MBNL3: variants seen among roughly 807,000 people sequenced by gnomAD.
The protein encoded by MBNL3 is muscleblind like splicing regulator 3, also known as muscleblind-like protein 3.
MBNL3 carries 6 observed loss-of-function variants against 24.5 expected under a neutral mutation model. That is an observed-to-expected ratio of 0.25 (90% CI 0.13 to 0.48). The LOEUF is 0.48. Among genes scored for constraint, MBNL3 ranks in the 20% least tolerant of loss-of-function variants. The pLI, the probability that MBNL3 is intolerant of heterozygous loss-of-function variation, is 0.99. For synonymous variants in MBNL3, 100 were observed against 101.7 expected, an observed-to-expected ratio of 0.98 and a Z score of 0.10; for missense variants, 230 against 293.5, an observed-to-expected ratio of 0.78 and a Z score of 1.58.
intron 1 of MBNL3, among the ~76,000 whole-genome samples, chrX:132,482,316 T>C (rs1210709845): frequency 8.9e-6 from 1 of 112,647 alleles, no homozygotes; most frequent in Non-Finnish European, 1.9e-5. Context: ...TATGCATGTA[T>C]TGAAATATCA....
chrX:132,439,616 A>T lies in MBNL3; in HGVS notation c.-5T>A, dbSNP rs747888882. ...GGCAACATTGACAGCCGTCATATTG[A>T]AAGCAAAATTAAAATCCAATGTACC... On this transcript the variant is annotated 5_prime_UTR_variant, in exon 2 of 9. Transcript: ENST00000370853. 1 of 1,192,435 alleles carries T rather than the reference A, an allele frequency of 8.4e-7. No individual in the cohort carries two copies.
chrX:132,472,188 T>C (rs995351488), intron 1 of MBNL3, among the ~76,000 whole-genome samples: 1 of 112,029 alleles, frequency 8.9e-6, no homozygotes, highest in African/African-American at 3.2e-5. Flanking sequence ...AATTTGAGTA[T>C]TGGAAGAATC....
chrX:132,482,679 C>T (rs1436599967), intron 1 of MBNL3, among the ~76,000 whole-genome samples: 1 of 112,494 alleles, frequency 8.9e-6, no homozygotes, highest in Non-Finnish European at 1.9e-5. Context: ...TTTGACCCTA[C>T]ATTTTCATTT....
intron 1 of MBNL3, among the ~76,000 whole-genome samples, chrX:132,468,559 G>A (rs946450348): frequency 8.0e-5 from 9 of 112,456 alleles, no homozygotes; most frequent in Non-Finnish European, 1.5e-4. Flanking sequence ...TTTTCCATGT[G>A]CAAGGCACTG....
At position 132,376,933 on chromosome X, in the gene MBNL3, TAC is replaced by T. The variant is rs1934202587; in HGVS notation, c.*2731_*2732del. 1 of 111,448 alleles carries T rather than the reference TAC, an allele frequency of 9.0e-6. No individual in the cohort carries two copies. The highest frequency in any genetic ancestry group is 9.5e-5 in the Admixed American group (1 of 10,478). The allele number at this position is 111,448 out of a possible 1,213,427, so 9.2% of individuals were successfully genotyped here. Reference sequence around the variant, plus strand: ...ATGTAGAAAATTGTGGCACCAAAAATACAGTGGCCCTAAATACCCCTCACGGA... The same window carrying T: ...ATGTAGAAAATTGTGGCACCAAAAATAGTGGCCCTAAATACCCCTCACGGA... On this transcript the variant is annotated 3_prime_UTR_variant, in exon 9 of 9. Transcript: ENST00000370853.
chrX:132,428,197 T>G (rs10521776), intron 2 of MBNL3, among the ~76,000 whole-genome samples: 2,711 of 111,398 alleles, frequency 0.024, 66 homozygotes, highest in African/African-American at 0.083. Flanking sequence ...CTAAATAACA[T>G]ATTAGACATG....
At chrX:132,426,737 G>C (rs1197416592) in intron 2 of MBNL3, among the ~76,000 whole-genome samples, 3 of 111,651 alleles carry the variant, frequency 2.7e-5, no homozygotes, top group African/African-American at 3.3e-5. Flanking sequence ...TGTTGTAGCT[G>C]TTAGTTTGTA....
At chrX:132,480,386 C>G (rs1947665893) in intron 1 of MBNL3, among the ~76,000 whole-genome samples, 1 of 111,970 alleles carries the variant, frequency 8.9e-6, no homozygotes, top group Admixed American at 9.4e-5. Flanking sequence ...TTAGGAAACT[C>G]AATCATGTGA....
intron 1 of MBNL3, among the ~76,000 whole-genome samples, chrX:132,454,054 T>C (rs1330355274): frequency 8.9e-6 from 1 of 111,946 alleles, no homozygotes; most frequent in East Asian, 2.8e-4. Flanking sequence ...ATCATGCCAT[T>C]ACACTCTAGC....
At chrX:132,467,265 C>T (rs899393162) in intron 1 of MBNL3, among the ~76,000 whole-genome samples, 1 of 111,490 alleles carries the variant, frequency 9.0e-6, no homozygotes, top group Non-Finnish European at 1.9e-5. Flanking sequence ...CTAAAAGGCA[C>T]GCCAATAATT....
At chrX:132,474,835 C>G (rs1947356918) in intron 1 of MBNL3, among the ~76,000 whole-genome samples, 1 of 111,219 alleles carries the variant, frequency 9.0e-6, no homozygotes, top group Non-Finnish European at 1.9e-5. Flanking sequence ...GTCATCATTA[C>G]CACTTTCACT....
At chrX:132,484,143 A>G (rs1265779499) in intron 1 of MBNL3, among the ~76,000 whole-genome samples, 1 of 111,691 alleles carries the variant, frequency 9.0e-6, no homozygotes, top group Non-Finnish European at 1.9e-5. Context: ...GCCAGTCCTC[A>G]AGGTCTCAGC....
intron 8 of MBNL3, chrX:132,381,250 G>A: frequency 2.3e-6 from 1 of 430,459 alleles, no homozygotes; most frequent in Non-Finnish European, 3.8e-6. Flanking sequence ...TACATCACAA[G>A]CAATGTCTAT....
intron 1 of MBNL3, among the ~76,000 whole-genome samples, chrX:132,442,281 T>C (rs1019153055): frequency 2.7e-5 from 3 of 112,215 alleles, no homozygotes; most frequent in South Asian, 3.7e-4. Flanking sequence ...AAAGCTGTTA[T>C]GTATTTTTTA....
intron 1 of MBNL3, among the ~76,000 whole-genome samples, chrX:132,478,821 C>G (rs1263525639): frequency 1.8e-5 from 2 of 112,544 alleles, no homozygotes; most frequent in Non-Finnish European, 3.8e-5. Flanking sequence ...CAAGGTAATG[C>G]TGTTGGCTCC....
intron 1 of MBNL3, among the ~76,000 whole-genome samples, chrX:132,441,752 C>T (rs1945399289): frequency 9.0e-6 from 1 of 111,610 alleles, no homozygotes; most frequent in Admixed American, 9.5e-5. Flanking sequence ...TCAGTATATA[C>T]CCAAAGTATC....
chrX:132,449,941 G>C (rs1887401270), intron 1 of MBNL3, among the ~76,000 whole-genome samples: 1 of 96,403 alleles, frequency 1.0e-5, no homozygotes, highest in African/African-American at 3.9e-5. Context: ...TGAAATTCTT[G>C]GTTGTAAATT....
intron 2 of MBNL3, among the ~76,000 whole-genome samples, chrX:132,435,271 TA>T (rs1945055898): frequency 8.9e-6 from 1 of 111,766 alleles, no homozygotes; most frequent in Non-Finnish European, 1.9e-5. Flanking sequence ...TACTTCCCTT[TA>T]AAGGTTAGCA....
intron 1 of MBNL3, among the ~76,000 whole-genome samples, chrX:132,449,464 C>CTTTTTTTTTTTTTTTTTT (rs751006249): frequency 4.0e-4 from 12 of 29,787 alleles, no homozygotes; most frequent in African/African-American, 6.7e-4. Flanking sequence ...GCAACCCCTG[C>CTTTTTTTTTTTTTTTTTT]TTTTTTTTTT....
Sources: allele counts gnomAD v4.1 joint callset (sites outside exome capture counted in the v4.1 genomes callset), GRCh38; gene constraint gnomAD v4.1.1; transcripts MANE v1.5; gene names NCBI Gene and HGNC (gene_info 2026-07-23, HGNC 2026-07-21).